NNT: variants seen among roughly 807,000 people sequenced by gnomAD.
NNT encodes NAD(P) transhydrogenase, mitochondrial.
A neutral mutation model predicts 104.8 loss-of-function variants in NNT; 50 were observed. The observed-to-expected ratio is 0.48, with a 90% CI of 0.38 to 0.60. NNT has a LOEUF of 0.60. NNT is among the 20% of genes least tolerant of loss of function. The pLI is 0.00. For missense variants in NNT, 1,131 were observed against 1,330.7 expected, an observed-to-expected ratio of 0.85 and a Z score of 2.33; for synonymous variants, 461 against 490.4, an observed-to-expected ratio of 0.94 and a Z score of 0.79.
chr5:43,616,352 G>C (rs1749787282), intron 4 of NNT, among the ~76,000 whole-genome samples: 1 of 152,182 alleles, frequency 6.6e-6, no homozygotes, highest in African/African-American at 2.4e-5. Context: ...GGAACACACT[G>C]TATTTCATAA....
At position 43,641,748 on chromosome 5, in the gene NNT, C is replaced by T. The variant is rs112468379; in HGVS notation, c.965-2444C>T. Among the ~76,000 whole-genome samples the T allele has an allele frequency of 8.2e-3, 1,254 of 152,060 alleles. 16 individuals are homozygous for T. The highest frequency in any genetic ancestry group is 0.064 in the South Asian group (310 of 4,816). On this transcript the variant is annotated intron_variant, in intron 7 of 21. Transcript: ENST00000344920. ...TAGTGATACCCTTCAGTCTGTACAC[C>T]AAATAAGTTAACCTATGTGAAAGAA... is the stretch of plus-strand genomic sequence containing the variant.
At chr5:43,667,176 A>G in intron 17 of NNT, 1 of 1,470,132 alleles carries the variant, frequency 6.8e-7, no homozygotes, top group Non-Finnish European at 9.4e-7. Context: ...TCTTGATACC[A>G]TTTCTGTGCC....
intron 19 of NNT, among the ~76,000 whole-genome samples, chr5:43,693,962 A>G (rs1385013389): frequency 6.6e-6 from 1 of 152,202 alleles, no homozygotes; most frequent in African/African-American, 2.4e-5. Context: ...TCTACTTGCT[A>G]TCAGTGCTAA....
At chr5:43,615,107 G>T (rs1487320628) in intron 3 of NNT, among the ~76,000 whole-genome samples, 4 of 151,730 alleles carry the variant, frequency 2.6e-5, no homozygotes, top group African/African-American at 9.7e-5. Context: ...ACTGCAGTCC[G>T]CAGTCCGGCC....
At chr5:43,623,263 T>C (rs1378020264) in intron 5 of NNT, among the ~76,000 whole-genome samples, 1 of 152,186 alleles carries the variant, frequency 6.6e-6, no homozygotes, top group Non-Finnish European at 1.5e-5. Flanking sequence ...ATTTTTTTTC[T>C]ACAGGAACAA....
intron 19 of NNT, among the ~76,000 whole-genome samples, chr5:43,685,624 G>C (rs1027166800): frequency 3.3e-5 from 5 of 152,160 alleles, no homozygotes; most frequent in African/African-American, 9.6e-5. Flanking sequence ...GAATTGGGAT[G>C]CTTGATTTAA....
At chr5:43,702,132 A>G (rs1296132195) in intron 20 of NNT, among the ~76,000 whole-genome samples, 3 of 152,114 alleles carry the variant, frequency 2.0e-5, no homozygotes, top group African/African-American at 4.8e-5. Context: ...TCACTTGTCA[A>G]TTATTGCATT....
At chr5:43,676,665 C>A (rs535358765) in intron 18 of NNT, among the ~76,000 whole-genome samples, 1 of 152,106 alleles carries the variant, frequency 6.6e-6, no homozygotes, top group Non-Finnish European at 1.5e-5. Flanking sequence ...CAATGCTGTT[C>A]TGGAGTGTAA....
intron 19 of NNT, among the ~76,000 whole-genome samples, chr5:43,691,068 AGAGTGTGT>A (rs1453761161): frequency 1.5e-5 from 2 of 133,928 alleles, no homozygotes; most frequent in Non-Finnish European, 3.2e-5. Context: ...TTTTTTTGAG[AGAGTGTGT>A]GTGTGTGTGT....
intron 19 of NNT, among the ~76,000 whole-genome samples, chr5:43,682,614 A>G (rs1252123084): frequency 6.6e-6 from 1 of 152,202 alleles, no homozygotes; most frequent in Non-Finnish European, 1.5e-5. Flanking sequence ...AGGCTTGCAA[A>G]TTGGTAAAGC....
intron 17 of NNT, among the ~76,000 whole-genome samples, chr5:43,660,616 C>T (rs1462398637): frequency 6.6e-6 from 1 of 152,174 alleles, no homozygotes; most frequent in Non-Finnish European, 1.5e-5. Context: ...TTAATTGACT[C>T]ACAGCTCCAC....
intron 19 of NNT, among the ~76,000 whole-genome samples, chr5:43,695,495 T>A (rs1215100152): frequency 2.6e-5 from 4 of 152,182 alleles, no homozygotes; most frequent in African/African-American, 7.2e-5. Context: ...TGCATCTAGA[T>A]CATGTCTAGC....
intron 7 of NNT, among the ~76,000 whole-genome samples, chr5:43,637,210 G>A (rs1001860084): frequency 7.9e-5 from 12 of 152,242 alleles, no homozygotes; most frequent in African/African-American, 2.6e-4. Flanking sequence ...AGGGGTTGCT[G>A]TATGTACTAT....
chr5:43,653,313 GT>G, intron 14 of NNT, 100 bp downstream of exon 14: 1 of 1,119,586 alleles, frequency 8.9e-7, no homozygotes, highest in Non-Finnish European at 1.2e-6. Context: ...GTTCATGGAA[GT>G]TGCTTCAGTT....
At chr5:43,646,529 G>A (rs1247299625) in intron 10 of NNT, among the ~76,000 whole-genome samples, 3 of 151,384 alleles carry the variant, frequency 2.0e-5, no homozygotes, top group Non-Finnish European at 4.4e-5. Context: ...GAACTCCTGA[G>A]CTCAAGTGAT....
chr5:43,614,226 G>T (rs1361507684), intron 3 of NNT, among the ~76,000 whole-genome samples: 4 of 152,166 alleles, frequency 2.6e-5, no homozygotes, highest in African/African-American at 9.7e-5. Flanking sequence ...TCCTTTTAGG[G>T]ATTCACAATG....
rs796234289 is a variant in NNT at position 43,690,052 on chromosome 5, C to G, written c.2877-10067C>G. 5.3e-4 allele frequency among the ~76,000 whole-genome samples: 81 copies of G among 151,976 alleles called. 1 individual carries two copies. Among genetic ancestry groups the G allele is most frequent in the African/African-American group, 1.9e-3 (80 of 41,466 alleles). Reference sequence around the variant, plus strand: ...TCTAAAACTAAGAATAATTGGTGTTCCTGAGGAAGAAGAGAAATCTAGAAA... The same window carrying G: ...TCTAAAACTAAGAATAATTGGTGTTGCTGAGGAAGAAGAGAAATCTAGAAA... On this transcript the variant is annotated intron_variant, in intron 19 of 21. Transcript: ENST00000344920.
chr5:43,655,369 A>G (rs928647648), intron 14 of NNT, among the ~76,000 whole-genome samples: 1 of 152,180 alleles, frequency 6.6e-6, no homozygotes. Context: ...TAATCCGAAA[A>G]TCCAAAATGC....
Position 43,624,106 on chromosome 5 carries a change from A to T in NNT, c.762A>T (p.Arg254=). The T allele has an allele frequency of 6.2e-7, 1 of 1,614,130 alleles. No individual in the cohort carries two copies. Among genetic ancestry groups the T allele is most frequent in the Non-Finnish European group, 8.5e-7 (1 of 1,179,980 alleles). ...GAAKSMGAIV[R]GFDTRAAALE... Reference sequence around the variant, plus strand: ...CAAAGTCGATGGGTGCAATTGTTCGAGGATTTGACACAAGGTGAGTGCTTT... The same window carrying T: ...CAAAGTCGATGGGTGCAATTGTTCGTGGATTTGACACAAGGTGAGTGCTTT... The change falls in exon 6 of 22, where the codon CGA becomes CGT. Residue 254 remains arginine (R), a synonymous_variant. Coordinates refer to ENST00000344920, the MANE Select transcript of NNT (RefSeq NM_182977.3).
Sources: allele counts gnomAD v4.1 joint callset (sites outside exome capture counted in the v4.1 genomes callset), GRCh38; gene constraint gnomAD v4.1.1; transcripts MANE v1.5; gene names NCBI Gene and HGNC (gene_info 2026-07-23, HGNC 2026-07-21).